CHN2: variants seen among roughly 807,000 people sequenced by gnomAD.
CHN2 encodes beta-chimaerin.
Under a neutral mutation model 56.3 loss-of-function variants are expected in CHN2, and 35 were observed. The ratio of observed to expected loss-of-function variants is 0.62; its 90% CI spans 0.47 to 0.82. CHN2 has a LOEUF of 0.82. Ranked by LOEUF, CHN2 falls within the 40% of genes least tolerant of loss-of-function variation. The probability of loss-of-function intolerance (pLI) is 0.00; values close to 1 mark genes in which losing one functional copy is unlikely to be tolerated. For missense variants in CHN2, 491 were observed against 580.5 expected (o/e 0.85, Z 1.58); for synonymous variants, 210 against 212.8 (o/e 0.99, Z 0.12).
At chr7:29,156,559 G>A (rs920988477) in intron 2 of CHN2, among the ~76,000 whole-genome samples, 5 of 152,182 alleles carry the variant, frequency 3.3e-5, no homozygotes, top group Admixed American at 6.5e-5. Context: ...TGAGGCATCT[G>A]AAGGAACTCA....
intron 2 of CHN2, among the ~76,000 whole-genome samples, chr7:29,179,601 T>C (rs1184162732): frequency 6.6e-6 from 1 of 152,258 alleles, no homozygotes; most frequent in African/African-American, 2.4e-5. Context: ...ATTATTTTGC[T>C]ATATATCCTT....
intron 2 of CHN2, chr7:29,185,727 A>G (rs1798627139): frequency 6.6e-6 from 1 of 152,152 alleles, no homozygotes; most frequent in Non-Finnish European, 1.5e-5. Flanking sequence ...ATTCTCATAT[A>G]TACCCCGAGT....
intron 1 of CHN2, among the ~76,000 whole-genome samples, chr7:29,311,797 G>A (rs954247217): frequency 3.3e-5 from 5 of 152,198 alleles, no homozygotes; most frequent in Admixed American, 1.3e-4. Context: ...TTTAGGCAAC[G>A]AGTATTTACT....
intron 1 of CHN2, among the ~76,000 whole-genome samples, chr7:29,326,643 G>C (rs1472724887): frequency 6.6e-6 from 1 of 152,146 alleles, no homozygotes; most frequent in Non-Finnish European, 1.5e-5. Context: ...TATTTGGTTT[G>C]TTTTGTCTTT....
chr7:29,157,043 T>C (rs1490270709), intron 2 of CHN2, among the ~76,000 whole-genome samples: 1 of 152,158 alleles, frequency 6.6e-6, no homozygotes, highest in African/African-American at 2.4e-5. Context: ...ATCTCGTCTG[T>C]GGAAAGGAAG....
At chr7:29,377,282 C>G (rs909325948) in intron 3 of CHN2, among the ~76,000 whole-genome samples, 2 of 152,190 alleles carry the variant, frequency 1.3e-5, no homozygotes, top group Non-Finnish European at 2.9e-5. Flanking sequence ...CCTCAGCCTC[C>G]CAGAATGCTG....
chr7:29,216,496 T>C (rs1785354510), intron 1 of CHN2, among the ~76,000 whole-genome samples: 1 of 152,254 alleles, frequency 6.6e-6, no homozygotes, highest in Non-Finnish European at 1.5e-5. Flanking sequence ...TGTTATCAAA[T>C]TACATTTCTT....
chr7:29,360,478 C>T (rs1359047549), intron 2 of CHN2, among the ~76,000 whole-genome samples: 4 of 152,190 alleles, frequency 2.6e-5, no homozygotes, highest in Non-Finnish European at 5.9e-5. Flanking sequence ...CGAGATCATG[C>T]CATTGCACTG....
intron 1 of CHN2, among the ~76,000 whole-genome samples, chr7:29,300,745 A>C (rs3812339): frequency 0.34 from 50,975 of 152,026 alleles, 8,841 homozygotes; most frequent in African/African-American, 0.4. Flanking sequence ...CAAAAGAAAT[A>C]TTTTCCAAAA....
At chr7:29,409,627 A>G (rs1180727766) in intron 6 of CHN2, among the ~76,000 whole-genome samples, 2 of 152,218 alleles carry the variant, frequency 1.3e-5, no homozygotes, top group Non-Finnish European at 1.5e-5. Flanking sequence ...GAGTGTTCTT[A>G]TAGCCTTTTC....
intron 1 of CHN2, among the ~76,000 whole-genome samples, chr7:29,278,050 A>G (rs745861709): frequency 1.4e-4 from 22 of 152,310 alleles, no homozygotes; most frequent in Non-Finnish European, 2.9e-4. Flanking sequence ...GTGTTTCCCC[A>G]GAGCCCAAGT....
chr7:29,401,932 G>A (rs934603681), intron 6 of CHN2, among the ~76,000 whole-genome samples: 2 of 152,164 alleles, frequency 1.3e-5, no homozygotes, highest in African/African-American at 2.4e-5. Flanking sequence ...AGCCAGCCAC[G>A]CCAATCAGCC....
At chr7:29,171,312 A>G (rs916510511) in intron 2 of CHN2, among the ~76,000 whole-genome samples, 6 of 152,208 alleles carry the variant, frequency 3.9e-5, no homozygotes, top group African/African-American at 7.2e-5. Context: ...TCACAGGTCT[A>G]TAAAGAAGAA....
chr7:29,492,011 T>A (rs1463051440), intron 7 of CHN2, among the ~76,000 whole-genome samples: 1 of 152,206 alleles, frequency 6.6e-6, no homozygotes, highest in African/African-American at 2.4e-5. Context: ...CCTCCTAGAT[T>A]CAATTTGCTT....
intron 6 of CHN2, among the ~76,000 whole-genome samples, chr7:29,461,463 A>G (rs1236505957): frequency 6.6e-6 from 1 of 152,172 alleles, no homozygotes; most frequent in Non-Finnish European, 1.5e-5. Context: ...ACACATACAA[A>G]CTCAAAATTT....
At chr7:29,505,966 C>A (rs1790517734) in intron 10 of CHN2, among the ~76,000 whole-genome samples, 1 of 152,144 alleles carries the variant, frequency 6.6e-6, no homozygotes, top group Non-Finnish European at 1.5e-5. Flanking sequence ...TATACATCGG[C>A]AGCTTTTTTC....
rs1270699173 is a variant in CHN2, at chr7:29,398,235, G to A, written c.177-138G>A. On this transcript the variant is annotated intron_variant, in intron 4 of 12. Transcript: ENST00000222792. ...GGTGGTTCCAAGTCACTTAAGATGG[G>A]CAGTAGTCACCCCCCTTCTTCACTC... 56 of 622,606 alleles carry A rather than the reference G, an allele frequency of 9.0e-5. 1 individual carries two copies. The highest frequency in any genetic ancestry group is 4.5e-4 in the South Asian group (23 of 51,276). The allele number at this position is 622,606 out of a possible 1,614,324, so 38.6% of individuals were successfully genotyped here. A position where few individuals can be genotyped will look rare whatever the true frequency, so the allele number is the denominator to read the frequency against.
chr7:29,426,142 G>A (rs1350533041), intron 6 of CHN2, among the ~76,000 whole-genome samples: 1 of 149,954 alleles, frequency 6.7e-6, no homozygotes, highest in Non-Finnish European at 1.5e-5. Flanking sequence ...TCGGGAGGTG[G>A]AGGCTGCAGT....
intron 1 of CHN2, among the ~76,000 whole-genome samples, chr7:29,292,211 C>G (rs943678502): frequency 6.6e-6 from 1 of 152,142 alleles, no homozygotes; most frequent in Non-Finnish European, 1.5e-5. Flanking sequence ...AACAGAGATG[C>G]ATGTTTTTGA....
Sources: gnomAD v4.1 joint callset for allele counts (sites outside exome capture counted in the v4.1 genomes callset) on GRCh38, gnomAD v4.1.1 for gene constraint, MANE v1.5 for transcripts, NCBI Gene and HGNC (gene_info 2026-07-23, HGNC 2026-07-21) for gene names.